The following PLPPR1 variants were observed in gnomAD, a reference collection of about 807,000 sequenced individuals.
The protein encoded by PLPPR1 is phospholipid phosphatase-related protein type 1.
A neutral mutation model predicts 33.1 loss-of-function variants in PLPPR1; 10 were observed. The observed-to-expected ratio is 0.30, with a 90% confidence interval of 0.19 to 0.51. PLPPR1 has a LOEUF of 0.51. PLPPR1 is among the 20% of genes least tolerant of loss of function. The probability of loss-of-function intolerance (pLI) is 0.97; values close to 1 mark genes in which losing one functional copy is unlikely to be tolerated. For missense variants in PLPPR1, 304 were observed against 408.1 expected, an observed-to-expected ratio of 0.74 and a Z score of 2.20; for synonymous variants, 151 against 151.0, an observed-to-expected ratio of 1.00 and a Z score of 0.00.
At chr9:101,153,349 T>C (rs1244616009) in intron 1 of PLPPR1, among the ~76,000 whole-genome samples, 1 of 152,192 alleles carries the variant, frequency 6.6e-6, no homozygotes, top group African/African-American at 2.4e-5. Context: ...ACAGGGACAA[T>C]TTGACTTCCT....
At chr9:101,229,577 A>T (rs1827141266) in intron 2 of PLPPR1, among the ~76,000 whole-genome samples, 1 of 152,072 alleles carries the variant, frequency 6.6e-6, no homozygotes, top group Non-Finnish European at 1.5e-5. Flanking sequence ...TCACAGATAA[A>T]TTTTTTTAAA....
intron 3 of PLPPR1, among the ~76,000 whole-genome samples, chr9:101,278,640 C>T (rs10122687): frequency 0.08 from 12,225 of 152,160 alleles, 949 homozygotes; most frequent in African/African-American, 0.21. Context: ...CCCACCACAG[C>T]GAAATCCAGC....
intron 6 of PLPPR1, among the ~76,000 whole-genome samples, chr9:101,314,367 C>T (rs1304776982): frequency 6.6e-6 from 1 of 152,150 alleles, no homozygotes; most frequent in East Asian, 1.9e-4. Flanking sequence ...GGTTTTCCAA[C>T]TTGTAAAAAA....
intron 2 of PLPPR1, among the ~76,000 whole-genome samples, chr9:101,193,349 C>G (rs989955075): frequency 5.9e-5 from 9 of 152,044 alleles, no homozygotes; most frequent in Non-Finnish European, 8.8e-5. Context: ...CCCATCCTGC[C>G]CTTTCAGAGA....
At chr9:101,089,477 C>T (rs144140425) in intron 1 of PLPPR1, among the ~76,000 whole-genome samples, 215 of 152,188 alleles carry the variant, frequency 1.4e-3, no homozygotes, top group African/African-American at 4.8e-3. Flanking sequence ...AGATAGAAAT[C>T]GCCCACGCTT....
intron 1 of PLPPR1, among the ~76,000 whole-genome samples, chr9:101,107,786 C>A (rs1425091641): frequency 7.1e-6 from 1 of 141,338 alleles, no homozygotes; most frequent in African/African-American, 2.7e-5. Context: ...GACTGCTGTG[C>A]TAGCAATCAG....
At chr9:101,277,851 C>CAT (rs1374507793) in intron 3 of PLPPR1, among the ~76,000 whole-genome samples, 1 of 152,098 alleles carries the variant, frequency 6.6e-6, no homozygotes, top group Non-Finnish European at 1.5e-5. Context: ...AAACATAGGA[C>CAT]ATATATATAT....
chr9:101,114,412 C>G (rs1831094865), intron 1 of PLPPR1, among the ~76,000 whole-genome samples: 1 of 152,126 alleles, frequency 6.6e-6, no homozygotes, highest in African/African-American at 2.4e-5. Context: ...GACCTTAAAC[C>G]TGAAGATCCA....
chr9:101,312,010 AC>A (rs1248289618), intron 5 of PLPPR1, among the ~76,000 whole-genome samples: 1 of 152,178 alleles, frequency 6.6e-6, no homozygotes, highest in Non-Finnish European at 1.5e-5. Flanking sequence ...CTTACCCAGC[AC>A]CTCACAACAA....
chr9:101,072,377 A>G (rs1830491894), intron 1 of PLPPR1, among the ~76,000 whole-genome samples: 1 of 152,120 alleles, frequency 6.6e-6, no homozygotes, highest in South Asian at 2.1e-4. Flanking sequence ...GATTCTATGG[A>G]CCATCCAGAA....
intron 1 of PLPPR1, among the ~76,000 whole-genome samples, chr9:101,156,442 TG>T (rs1245138373): frequency 6.7e-6 from 1 of 148,868 alleles, no homozygotes; most frequent in East Asian, 2.0e-4. Context: ...CCCAACTATT[TG>T]GGGGTGCTGA....
intron 2 of PLPPR1, among the ~76,000 whole-genome samples, chr9:101,259,777 G>A (rs540187994): frequency 5.3e-5 from 8 of 152,126 alleles, no homozygotes; most frequent in Non-Finnish European, 1.0e-4. Context: ...ACAACTTGAA[G>A]CAGGGAGGGG....
chr9:101,278,251 T>C (rs1452561673), intron 3 of PLPPR1, among the ~76,000 whole-genome samples: 1 of 152,234 alleles, frequency 6.6e-6, no homozygotes, highest in East Asian at 1.9e-4. Context: ...AAACTTCCTC[T>C]AAACTTTTTG....
chr9:101,315,912 G>A (rs1368089104), intron 6 of PLPPR1, among the ~76,000 whole-genome samples: 1 of 152,226 alleles, frequency 6.6e-6, no homozygotes, highest in Non-Finnish European at 1.5e-5. Flanking sequence ...TGGGAGGAAG[G>A]GGAAGGAAGT....
chr9:101,067,539 T>C (rs1830433750), intron 1 of PLPPR1, among the ~76,000 whole-genome samples: 2 of 152,078 alleles, frequency 1.3e-5, no homozygotes, highest in Non-Finnish European at 2.9e-5. Flanking sequence ...CTTAGGAAGT[T>C]AGAGGATGAG....
At chr9:101,206,253 C>T (rs1248888636) in intron 2 of PLPPR1, among the ~76,000 whole-genome samples, 1 of 152,148 alleles carries the variant, frequency 6.6e-6, no homozygotes, top group Non-Finnish European at 1.5e-5. Flanking sequence ...CATACTCATA[C>T]TCAGGACAGG....
chr9:101,220,101 A>G (rs1826898112), intron 2 of PLPPR1, among the ~76,000 whole-genome samples: 1 of 152,148 alleles, frequency 6.6e-6, no homozygotes, highest in Admixed American at 6.6e-5. Flanking sequence ...GGGAGGTTGC[A>G]TTGTGCATCA....
intron 1 of PLPPR1, among the ~76,000 whole-genome samples, chr9:101,091,501 A>G (rs1217734781): frequency 6.6e-6 from 1 of 152,074 alleles, no homozygotes. Flanking sequence ...CAAACCCAGC[A>G]AGTTCAGCCT....
chr9:101,132,682 G>T (rs1008931688), intron 1 of PLPPR1, among the ~76,000 whole-genome samples: 14 of 152,166 alleles, frequency 9.2e-5, no homozygotes, highest in African/African-American at 2.7e-4. Flanking sequence ...ATGTGTCAGT[G>T]TAAGTTTATC....
Sources: allele counts gnomAD v4.1 joint callset (sites outside exome capture counted in the v4.1 genomes callset), GRCh38; gene constraint gnomAD v4.1.1; transcripts MANE v1.5; gene names NCBI Gene and HGNC (gene_info 2026-07-23, HGNC 2026-07-21).